PRKX: variants seen among roughly 807,000 people sequenced by gnomAD.
PRKX encodes the protein protein kinase cAMP-dependent X-linked catalytic subunit.
A neutral mutation model predicts 22.0 loss-of-function variants in PRKX; 12 were observed. That is an observed-to-expected ratio of 0.54 (90% confidence interval 0.35 to 0.88). PRKX has a LOEUF of 0.88. Ranked by LOEUF, PRKX falls within the 40% of genes least tolerant of loss-of-function variation. The pLI is 0.01. For synonymous variants in PRKX, 134 were observed against 137.7 expected (o/e 0.97, Z 0.19); for missense variants, 217 against 308.0 (o/e 0.70, Z 2.21).
intron 4 of PRKX, among the ~76,000 whole-genome samples, chrX:3,638,864 CACAT>C (rs1000610581): frequency 2.9e-5 from 3 of 105,124 alleles, no homozygotes; most frequent in Non-Finnish European, 5.8e-5. Context: ...GATGGATAGG[CACAT>C]AGATAAATAG....
At position 3,608,962 on chromosome X, in the gene PRKX, CA is replaced by C. The variant is rs908488722; in HGVS notation, c.*24-18del. The C allele has an allele frequency of 2.7e-5, 3 of 111,710 alleles. No homozygotes were observed. Among genetic ancestry groups the C allele is most frequent in the African/African-American group, 9.8e-5 (3 of 30,739 alleles). The allele number at this position is 111,710 out of a possible 1,213,427, so 9.2% of individuals were successfully genotyped here. On this transcript the variant is annotated intron_variant, in intron 8 of 8. Coordinates refer to ENST00000262848, the MANE Select transcript of PRKX (RefSeq NM_005044.5). ...TTCCTGTTTCTAGCATGAAATAGGA[CA>C]AAAGATTCTGTGAGTTGCTCAGTAA...
At chrX:3,611,194 C>G (rs748917605) in intron 8 of PRKX, 1 of 111,948 alleles carries the variant, frequency 8.9e-6, no homozygotes, top group South Asian at 3.8e-4. Flanking sequence ...ATGTAAACAC[C>G]TGCCCAGGAT....
At chrX:3,630,038 T>C (rs1046369609) in intron 4 of PRKX, among the ~76,000 whole-genome samples, 1 of 112,232 alleles carries the variant, frequency 8.9e-6, no homozygotes, top group Non-Finnish European at 1.9e-5. Flanking sequence ...AACAAGATTG[T>C]CATACTATGC....
chrX:3,707,931 GGCT>G (rs1230034489), intron 1 of PRKX, among the ~76,000 whole-genome samples: 3 of 111,948 alleles, frequency 2.7e-5, no homozygotes, highest in African/African-American at 9.8e-5. Flanking sequence ...CTGCCCACAA[GGCT>G]GCTGATTTAT....
Position 3,607,875 on chromosome X carries a change from CTTCTT to C in PRKX, c.*1089_*1093del, listed in dbSNP as rs1345937399. On this transcript the variant is annotated 3_prime_UTR_variant, in exon 9 of 9. Transcript: ENST00000262848. Reference sequence around the variant, plus strand: ...ATCTTCAAAAGCACAAAGCCATTGCCTTCTTTTTTTTTTTTTTTTTTTTTGGACAG... The same window carrying C: ...ATCTTCAAAAGCACAAAGCCATTGCCTTTTTTTTTTTTTTTTTTTGGACAG... 5 of 97,873 alleles carry C rather than the reference CTTCTT, an allele frequency of 5.1e-5. No individual in the cohort carries two copies. Among genetic ancestry groups the C allele is most frequent in the Non-Finnish European group, 1.0e-4 (5 of 49,034 alleles). The allele number at this position is 97,873 out of a possible 1,213,427, so 8.1% of individuals were successfully genotyped here.
At chrX:3,630,148 AT>A (rs1228453624) in intron 4 of PRKX, among the ~76,000 whole-genome samples, 3 of 112,601 alleles carry the variant, frequency 2.7e-5, no homozygotes, top group Non-Finnish European at 5.6e-5. Flanking sequence ...AACTAAAAAA[AT>A]ATATATACTT....
chrX:3,690,677 G>C (rs1439244032), intron 1 of PRKX, among the ~76,000 whole-genome samples: 1 of 111,337 alleles, frequency 9.0e-6, no homozygotes, highest in Non-Finnish European at 1.9e-5. Flanking sequence ...GTTGCAGTGA[G>C]CTATGATCAC....
At chrX:3,655,034 C>T (rs1229325143) in intron 3 of PRKX, 115 bp downstream of exon 3, 13 of 1,038,549 alleles carry the variant, frequency 1.3e-5, no homozygotes, top group Non-Finnish European at 1.7e-5. Context: ...GTGTCTCCTA[C>T]ACATGAGAGT....
intron 2 of PRKX, among the ~76,000 whole-genome samples, chrX:3,670,501 C>A (rs1347597424): frequency 8.9e-6 from 1 of 111,995 alleles, no homozygotes; most frequent in East Asian, 2.8e-4. Context: ...GTCACTAAGG[C>A]GGTCTCATGG....
At chrX:3,675,962 C>G (rs1271453979) in intron 1 of PRKX, among the ~76,000 whole-genome samples, 1 of 111,113 alleles carries the variant, frequency 9.0e-6, no homozygotes, top group African/African-American at 3.3e-5. Flanking sequence ...TCAGGCTAGC[C>G]TTGAACTCCT....
chrX:3,703,793 T>A (rs111738185), intron 1 of PRKX, among the ~76,000 whole-genome samples: 2,342 of 104,294 alleles, frequency 0.022, 62 homozygotes, highest in African/African-American at 0.077. Flanking sequence ...TGCCTCAGCC[T>A]CCTGAGTAGC....
chrX:3,619,723 T>G (rs182098174), intron 6 of PRKX, among the ~76,000 whole-genome samples: 12 of 111,312 alleles, frequency 1.1e-4, no homozygotes, highest in African/African-American at 2.3e-4. Context: ...GTCTCCAGGA[T>G]GGGGAAAGCA....
At chrX:3,664,054 T>C (rs1927668796) in intron 2 of PRKX, among the ~76,000 whole-genome samples, 2 of 111,483 alleles carry the variant, frequency 1.8e-5, no homozygotes, top group African/African-American at 6.5e-5. Flanking sequence ...GCACACAGCC[T>C]TGCTCCTAGG....
chrX:3,633,816 G>A (rs1427143106), intron 4 of PRKX, among the ~76,000 whole-genome samples: 1 of 111,410 alleles, frequency 9.0e-6, no homozygotes, highest in Non-Finnish European at 1.9e-5. Context: ...TGGAAGACAG[G>A]TGCTTTGGAA....
At chrX:3,642,356 C>T (rs187214726) in intron 3 of PRKX, among the ~76,000 whole-genome samples, 233 of 110,358 alleles carry the variant, frequency 2.1e-3, no homozygotes, top group African/African-American at 6.7e-3. Context: ...GCAACATGGA[C>T]GGAGGTGGAG....
chrX:3,693,939 CAAAAAA>C (rs1230845031), intron 1 of PRKX, among the ~76,000 whole-genome samples: 2 of 33,086 alleles, frequency 6.0e-5, no homozygotes. Flanking sequence ...GACTCCGTCT[CAAAAAA>C]AAAAAAAAAA....
At chrX:3,695,916 G>A (rs1041807075) in intron 1 of PRKX, among the ~76,000 whole-genome samples, 12 of 111,529 alleles carry the variant, frequency 1.1e-4, no homozygotes, top group South Asian at 3.7e-4. Flanking sequence ...CCACCACCCC[G>A]CTGTCTTCTG....
intron 1 of PRKX, among the ~76,000 whole-genome samples, chrX:3,682,045 T>C (rs1201016271): frequency 3.6e-5 from 4 of 111,463 alleles, no homozygotes; most frequent in Non-Finnish European, 1.9e-5. Context: ...GACCGTGACA[T>C]GGAATTTCAC....
At chrX:3,690,842 G>C (rs902055783) in intron 1 of PRKX, among the ~76,000 whole-genome samples, 1 of 112,777 alleles carries the variant, frequency 8.9e-6, no homozygotes, top group African/African-American at 3.2e-5. Flanking sequence ...AAAGGTTCGT[G>C]ATTTCTGGCT....
Sources: gnomAD v4.1 joint callset for allele counts (sites outside exome capture counted in the v4.1 genomes callset) on GRCh38, gnomAD v4.1.1 for gene constraint, MANE v1.5 for transcripts, NCBI Gene and HGNC (gene_info 2026-07-23, HGNC 2026-07-21) for gene names.